TSHZ2: variants seen among roughly 807,000 people sequenced by gnomAD.
The protein encoded by TSHZ2 is teashirt zinc finger homeobox 2.
Under a neutral mutation model 74.4 loss-of-function variants are expected in TSHZ2, and 21 were observed. The ratio of observed to expected loss-of-function variants is 0.28; its 90% confidence interval spans 0.20 to 0.41. The LOEUF (loss-of-function observed/expected upper bound fraction) is 0.41, where lower values mean the gene tolerates loss of function less well. Among genes scored for constraint, TSHZ2 ranks in the 10% least tolerant of loss-of-function variants. TSHZ2 has a pLI of 1.00. For synonymous variants in TSHZ2, 540 were observed against 515.3 expected (o/e 1.05, Z -0.65); for missense variants, 1,244 against 1,293.5 (o/e 0.96, Z 0.59).
At chr20:53,092,624 AT>A (rs1436023621) in intron 1 of TSHZ2, among the ~76,000 whole-genome samples, 3 of 152,192 alleles carry the variant, frequency 2.0e-5, no homozygotes, top group African/African-American at 7.2e-5. Context: ...CCCAGTTGTA[AT>A]TTGTATATTG....
chr20:53,320,347 T>C (rs1215131769), intron 2 of TSHZ2, among the ~76,000 whole-genome samples: 1 of 152,238 alleles, frequency 6.6e-6, no homozygotes, highest in Admixed American at 6.5e-5. Flanking sequence ...CTGGATCTGC[T>C]GGTCCTGTCT....
At chr20:53,326,570 A>G (rs1469390316) in intron 2 of TSHZ2, among the ~76,000 whole-genome samples, 1 of 152,174 alleles carries the variant, frequency 6.6e-6, no homozygotes, top group Non-Finnish European at 1.5e-5. Flanking sequence ...GCCTCTAGAA[A>G]GCCCCCCCGG....
chr20:53,178,839 A>C (rs1988405131), intron 1 of TSHZ2: 1 of 152,218 alleles, frequency 6.6e-6, no homozygotes, highest in Admixed American at 6.5e-5. Flanking sequence ...AATTTGCTAT[A>C]AATTTGGATT....
At chr20:53,364,453 C>T (rs1385068013) in intron 2 of TSHZ2, among the ~76,000 whole-genome samples, 1 of 151,876 alleles carries the variant, frequency 6.6e-6, no homozygotes, top group Non-Finnish European at 1.5e-5. Context: ...GAAGCCATCA[C>T]TTTCTGCCTG....
chr20:53,369,651 C>T (rs1981396407), intron 2 of TSHZ2, among the ~76,000 whole-genome samples: 1 of 152,014 alleles, frequency 6.6e-6, no homozygotes, highest in Non-Finnish European at 1.5e-5. Flanking sequence ...GCAGAGTTTG[C>T]AGTGGGCGGA....
chr20:53,368,078 A>G (rs1981335356), intron 2 of TSHZ2, among the ~76,000 whole-genome samples: 1 of 152,050 alleles, frequency 6.6e-6, no homozygotes, highest in Non-Finnish European at 1.5e-5. Context: ...CGCTGGGACA[A>G]AGACCCATGA....
At chr20:53,091,005 CAGG>C (rs1985869142) in intron 1 of TSHZ2, among the ~76,000 whole-genome samples, 1 of 152,132 alleles carries the variant, frequency 6.6e-6, no homozygotes. Context: ...TATATTCCCT[CAGG>C]AGTGTGTTTT....
chr20:53,072,995 A>C (rs1985230503), intron 1 of TSHZ2, among the ~76,000 whole-genome samples: 1 of 145,992 alleles, frequency 6.8e-6, no homozygotes, highest in African/African-American at 2.6e-5. Context: ...CCCTTCATCC[A>C]TCCCTCCCTC....
chr20:53,130,413 C>G (rs1391226704), intron 1 of TSHZ2, among the ~76,000 whole-genome samples: 2 of 152,056 alleles, frequency 1.3e-5, no homozygotes, highest in African/African-American at 4.8e-5. Context: ...TCACTTCAGG[C>G]CAGGAGTTCA....
chr20:52,973,435 G>T (rs751889735), intron 1 of TSHZ2, 102 bp downstream of exon 1: 80 of 1,453,082 alleles, frequency 5.5e-5, no homozygotes, highest in Non-Finnish European at 7.3e-5. Flanking sequence ...TTAAGCTTTC[G>T]GGGGAGTTTG....
intron 2 of TSHZ2, among the ~76,000 whole-genome samples, chr20:53,474,294 C>T (rs1472828383): frequency 7.5e-6 from 1 of 134,138 alleles, no homozygotes; most frequent in African/African-American, 2.9e-5. Context: ...GCCCATCAGA[C>T]TAACAGCGGA....
intron 2 of TSHZ2, among the ~76,000 whole-genome samples, chr20:53,465,197 T>A (rs1985516431): frequency 6.6e-6 from 1 of 152,178 alleles, no homozygotes; most frequent in African/African-American, 2.4e-5. Context: ...GAACTCATAT[T>A]TTGCCACTCA....
At chr20:53,043,129 A>C (rs748003065) in intron 1 of TSHZ2, among the ~76,000 whole-genome samples, 11 of 152,248 alleles carry the variant, frequency 7.2e-5, no homozygotes, top group Non-Finnish European at 1.3e-4. Flanking sequence ...CTATGTCTGC[A>C]TGGAGACGGG....
chr20:53,411,890 T>C (rs1983067339), intron 2 of TSHZ2, among the ~76,000 whole-genome samples: 1 of 152,198 alleles, frequency 6.6e-6, no homozygotes, highest in Non-Finnish European at 1.5e-5. Flanking sequence ...AATTAGCCTA[T>C]TCAAGCAAGA....
At chr20:53,409,918 C>T (rs887797074) in intron 2 of TSHZ2, among the ~76,000 whole-genome samples, 8 of 133,270 alleles carry the variant, frequency 6.0e-5, no homozygotes, top group African/African-American at 1.9e-4. Flanking sequence ...GCTATCTCGG[C>T]TCACTGCAAA....
At chr20:53,442,616 C>T (rs1348326508) in intron 2 of TSHZ2, among the ~76,000 whole-genome samples, 1 of 152,138 alleles carries the variant, frequency 6.6e-6, no homozygotes, top group Non-Finnish European at 1.5e-5. Flanking sequence ...TCTGAGAGAT[C>T]GCTCATCGCT....
intron 1 of TSHZ2, among the ~76,000 whole-genome samples, chr20:53,242,182 G>A (rs576048040): frequency 7.2e-5 from 11 of 152,142 alleles, no homozygotes; most frequent in South Asian, 4.2e-4. Flanking sequence ...AGTAAGGACC[G>A]TCCTGTGCAT....
At chr20:53,425,503 G>A (rs959596962) in intron 2 of TSHZ2, among the ~76,000 whole-genome samples, 3 of 152,288 alleles carry the variant, frequency 2.0e-5, no homozygotes, top group South Asian at 2.1e-4. Context: ...GCGTCTTCAC[G>A]GGTGTATATT....
chr20:53,404,841 T>C (rs1023149914), intron 2 of TSHZ2, among the ~76,000 whole-genome samples: 2 of 149,482 alleles, frequency 1.3e-5, no homozygotes, highest in Non-Finnish European at 3.0e-5. Flanking sequence ...TGATCACTGA[T>C]GGCAGGATCA....
Sources: allele counts gnomAD v4.1 joint callset (sites outside exome capture counted in the v4.1 genomes callset), GRCh38; gene constraint gnomAD v4.1.1; transcripts MANE v1.5; gene names NCBI Gene and HGNC (gene_info 2026-07-23, HGNC 2026-07-21).